PSTPIP2: variants seen among roughly 807,000 people sequenced by gnomAD.
The protein encoded by PSTPIP2 is proline-serine-threonine phosphatase-interacting protein 2.
In PSTPIP2, 33 loss-of-function variants were observed where a neutral mutation model predicts 63.3. The ratio of observed to expected loss-of-function variants is 0.52; its 90% CI spans 0.40 to 0.70. The LOEUF (loss-of-function observed/expected upper bound fraction) is 0.70, where lower values mean the gene tolerates loss of function less well. Ranked by LOEUF, PSTPIP2 falls within the 30% of genes least tolerant of loss-of-function variation. The pLI, the probability that PSTPIP2 is intolerant of heterozygous loss-of-function variation, is 0.00. For synonymous variants in PSTPIP2, 125 were observed against 132.7 expected, an observed-to-expected ratio of 0.94 and a Z score of 0.40; for missense variants, 312 against 400.7, an observed-to-expected ratio of 0.78 and a Z score of 1.89.
Position 45,991,949 on chromosome 18 carries a change from C to T in PSTPIP2, c.873G>A (p.Gln291=). The T allele has an allele frequency of 6.2e-7, 1 of 1,613,818 alleles. No individual in the cohort carries two copies. The highest frequency in any genetic ancestry group is 8.5e-7 in the Non-Finnish European group (1 of 1,179,722). The part of the protein sequence containing the change: ...PIMYENFYSS[Q]KNAVPAGKAT... ...CCTTTCCTGCTGGGACTGCATTCTT[C>T]TGGGAGGAGTAGAAATTCTCATACA... The change falls in exon 12 of 15, where the codon CAG becomes CAA. Residue 291 remains glutamine (Q), a synonymous_variant. Coordinates refer to ENST00000409746, the MANE Select transcript of PSTPIP2 (RefSeq NM_024430.4).
chr18:46,039,019 C>T (rs1908089211), intron 2 of PSTPIP2, among the ~76,000 whole-genome samples: 1 of 152,162 alleles, frequency 6.6e-6, no homozygotes, highest in South Asian at 2.1e-4. Flanking sequence ...CTAATTTTCT[C>T]TTGAGTAGAA....
At chr18:46,043,851 G>A (rs1198289001) in intron 1 of PSTPIP2, among the ~76,000 whole-genome samples, 2 of 151,220 alleles carry the variant, frequency 1.3e-5, no homozygotes, top group African/African-American at 4.9e-5. Context: ...ATATACCGGT[G>A]GAAAAAAAGG....
chr18:46,057,481 C>A (rs1908803930), intron 1 of PSTPIP2, among the ~76,000 whole-genome samples: 1 of 151,680 alleles, frequency 6.6e-6, no homozygotes, highest in African/African-American at 2.4e-5. Context: ...GCGAGCGCCA[C>A]CACGCCTGTC....
chr18:46,012,366 T>G (rs559413736), intron 4 of PSTPIP2, among the ~76,000 whole-genome samples: 4 of 152,254 alleles, frequency 2.6e-5, no homozygotes, highest in African/African-American at 9.6e-5. Flanking sequence ...CTATATGAAT[T>G]GAAACGAAAA....
chr18:46,069,450 C>A (rs942238683), intron 1 of PSTPIP2, among the ~76,000 whole-genome samples: 8 of 152,120 alleles, frequency 5.3e-5, no homozygotes, highest in Non-Finnish European at 7.3e-5. Flanking sequence ...GTACCAATAG[C>A]AGGCAAATTC....
chr18:46,001,657 G>T (rs566253142), intron 6 of PSTPIP2, among the ~76,000 whole-genome samples: 1 of 151,954 alleles, frequency 6.6e-6, no homozygotes, highest in African/African-American at 2.4e-5. Flanking sequence ...TTCTATGCCC[G>T]TTAAACAATA....
intron 3 of PSTPIP2, among the ~76,000 whole-genome samples, chr18:46,019,045 TC>T (rs2051883062): frequency 6.6e-6 from 1 of 151,902 alleles, no homozygotes. Flanking sequence ...ATTTTAGTTC[TC>T]CCCCAACCTA....
rs1211807436 is a variant in PSTPIP2 at position 46,041,193 on chromosome 18, T to C, written c.34-1146A>G. On this transcript the variant is annotated intron_variant, in intron 1 of 14. Transcript: ENST00000409746. Reference sequence around the variant, plus strand: ...GTCCACTGGGAAGCATGAAACATGCTCTCCGTGGTCACTGGCCCCAATTAG... The same window carrying C: ...GTCCACTGGGAAGCATGAAACATGCCCTCCGTGGTCACTGGCCCCAATTAG... 10 of 392,000 alleles carry C rather than the reference T, an allele frequency of 2.6e-5. No homozygotes were observed. The Admixed American group carries it at 3.3e-4, about 13-fold the overall frequency. The allele number at this position is 392,000 out of a possible 1,614,324, so 24.3% of individuals were successfully genotyped here. A position where few individuals can be genotyped will look rare whatever the true frequency, so the allele number is the denominator to read the frequency against.
At chr18:46,057,865 G>T (rs1204333505) in intron 1 of PSTPIP2, among the ~76,000 whole-genome samples, 4 of 151,778 alleles carry the variant, frequency 2.6e-5, no homozygotes, top group African/African-American at 7.3e-5. Context: ...GGGCGTGGTG[G>T]CGGGCGCCTG....
Position 46,015,036 on chromosome 18 carries a change from G to C in PSTPIP2, c.247+867C>G, listed in dbSNP as rs560419991. Among the ~76,000 whole-genome samples, 3 of 152,240 alleles carry C rather than the reference G, an allele frequency of 2.0e-5. No individual in the cohort carries two copies. The East Asian group carries it at 5.8e-4, about 30-fold the overall frequency. On this transcript the variant is annotated intron_variant, in intron 4 of 14. Coordinates refer to ENST00000409746, the MANE Select transcript of PSTPIP2 (RefSeq NM_024430.4). ...GCCAGAGAAGCAGGAAGAATCCAAG[G>C]GAGTCAGAGGGATGCAGGTTTCCAG...
At chr18:46,062,082 A>G (rs1909011455) in intron 1 of PSTPIP2, among the ~76,000 whole-genome samples, 1 of 152,206 alleles carries the variant, frequency 6.6e-6, no homozygotes, top group South Asian at 2.1e-4. Context: ...TGCCTCACTC[A>G]GCAAAACTAA....
chr18:46,047,298 G>A (rs1908414760), intron 1 of PSTPIP2, among the ~76,000 whole-genome samples: 1 of 152,100 alleles, frequency 6.6e-6, no homozygotes, highest in South Asian at 2.1e-4. Flanking sequence ...TCCAGGGTTA[G>A]GTGCGGTGGC....
intron 2 of PSTPIP2, among the ~76,000 whole-genome samples, chr18:46,030,177 T>C (rs1446672781): frequency 1.3e-5 from 2 of 152,188 alleles, no homozygotes; most frequent in African/African-American, 4.8e-5. Context: ...GATTATAGGT[T>C]GCACCATTAC....
At chr18:46,007,950 G>C (rs2051747725) in intron 5 of PSTPIP2, among the ~76,000 whole-genome samples, 1 of 152,206 alleles carries the variant, frequency 6.6e-6, no homozygotes, top group African/African-American at 2.4e-5. Flanking sequence ...ATCAGGTCCA[G>C]CTCTGTCTGC....
chr18:45,994,085 C>T (rs529826484), intron 9 of PSTPIP2: 2 of 293,970 alleles, frequency 6.8e-6, no homozygotes, highest in Non-Finnish European at 1.3e-5. Context: ...GTTTGACTGG[C>T]AAGATGGTCA....
At chr18:46,015,870 G>C (rs988475639) in intron 4 of PSTPIP2, 33 bp downstream of exon 4, 2 of 1,587,120 alleles carry the variant, frequency 1.3e-6, no homozygotes, top group Non-Finnish European at 1.7e-6. Flanking sequence ...GTCAAGGGCA[G>C]TGAATACATT....
At chr18:46,049,157 ATTTC>A (rs987802499) in intron 1 of PSTPIP2, among the ~76,000 whole-genome samples, 6 of 152,052 alleles carry the variant, frequency 3.9e-5, no homozygotes, top group Non-Finnish European at 8.8e-5. Flanking sequence ...GTAAATCTAA[ATTTC>A]TTTAATTAAA....
chr18:46,013,503 G>A (rs2051822449), intron 4 of PSTPIP2, among the ~76,000 whole-genome samples: 1 of 151,962 alleles, frequency 6.6e-6, no homozygotes, highest in African/African-American at 2.4e-5. Flanking sequence ...GAACTGGATA[G>A]GACCCCTTGA....
intron 1 of PSTPIP2, among the ~76,000 whole-genome samples, chr18:46,069,626 A>G (rs577581153): frequency 6.6e-6 from 1 of 152,332 alleles, no homozygotes; most frequent in Admixed American, 6.5e-5. Context: ...TTCATCGAAG[A>G]TTTCTTTAAA....
Sources: gnomAD v4.1 joint callset for allele counts (sites outside exome capture counted in the v4.1 genomes callset) on GRCh38, gnomAD v4.1.1 for gene constraint, MANE v1.5 for transcripts, NCBI Gene and HGNC (gene_info 2026-07-23, HGNC 2026-07-21) for gene names.